The following INSL6 variants were observed in gnomAD, a reference collection of about 807,000 sequenced individuals.
INSL6 encodes the protein insulin-like peptide INSL6.
In INSL6, 16 loss-of-function variants were observed where a neutral mutation model predicts 9.4. The ratio of observed to expected loss-of-function variants is 1.70; its 90% confidence interval spans 1.15 to 2.59. The LOEUF is 2.59. INSL6 is among the 30% of genes most tolerant of loss of function. INSL6 has a pLI of 0.00. For synonymous variants in INSL6, 154 were observed against 96.9 expected (o/e 1.59, Z -3.46); for missense variants, 391 against 257.3 (o/e 1.52, Z -3.56).
At chr9:5,173,501 A>C (rs1825229399) in intron 1 of INSL6, among the ~76,000 whole-genome samples, 1 of 152,156 alleles carries the variant, frequency 6.6e-6, no homozygotes, top group South Asian at 2.1e-4. Context: ...CAGCAAACTA[A>C]GGCAGGAAGA....
At chr9:5,103,697 C>CGT in the INSL6 span, among the ~76,000 whole-genome samples, 1 of 152,064 alleles carries the variant, frequency 6.6e-6, no homozygotes, top group Admixed American at 6.5e-5. Context: ...CGTAAAAGAA[C>CGT]AGATATCACA....
chr9:5,030,735 C>T, the INSL6 span, among the ~76,000 whole-genome samples: 3 of 152,116 alleles, frequency 2.0e-5, no homozygotes, highest in South Asian at 2.1e-4. Context: ...GGTGCTCTCT[C>T]AATAAATTTT....
chr9:5,098,912 T>C, the INSL6 span: 1 of 152,124 alleles, frequency 6.6e-6, no homozygotes, highest in East Asian at 1.9e-4. Flanking sequence ...GCCAGGATGG[T>C]CTTCATCTCC....
At chr9:5,054,687 G>A in the INSL6 span, 1 of 1,613,246 alleles carries the variant, frequency 6.2e-7, no homozygotes, top group African/African-American at 1.3e-5. The surrounding 1 kb of genome is among the most constrained non-coding windows in gnomAD (Gnocchi z 4.9). Context: ...CAAAGCCACT[G>A]CCAGAAACTT....
the INSL6 span, among the ~76,000 whole-genome samples, chr9:5,061,303 T>C: frequency 6.6e-6 from 1 of 152,256 alleles, no homozygotes; most frequent in African/African-American, 2.4e-5. Flanking sequence ...TTCTCCTCTC[T>C]AGCTGTGGAA....
the INSL6 span, among the ~76,000 whole-genome samples, chr9:5,010,926 A>C: frequency 1.3e-5 from 2 of 152,164 alleles, no homozygotes; most frequent in African/African-American, 4.8e-5. Flanking sequence ...TTCTGGGTTG[A>C]CAGCTTTCCC....
the INSL6 span, chr9:5,090,596 G>A: frequency 6.5e-7 from 1 of 1,549,974 alleles, no homozygotes; most frequent in Non-Finnish European, 8.7e-7. Flanking sequence ...ATTATTTGCT[G>A]TAGATGAAGC....
At chr9:5,065,160 A>G in the INSL6 span, 1 of 551,270 alleles carries the variant, frequency 1.8e-6, no homozygotes, top group Non-Finnish European at 2.9e-6. Context: ...TTTTTTTTAA[A>G]CAAAAGGCTA....
At chr9:5,007,224 G>A in the INSL6 span, among the ~76,000 whole-genome samples, 7 of 151,744 alleles carry the variant, frequency 4.6e-5, no homozygotes, top group African/African-American at 1.2e-4. Context: ...CTTTCTTCTC[G>A]TCTTGTGTAT....
chr9:5,172,700 G>C (rs1825211342), intron 1 of INSL6, among the ~76,000 whole-genome samples: 1 of 152,162 alleles, frequency 6.6e-6, no homozygotes, highest in African/African-American at 2.4e-5. Context: ...AGGCCGAGGT[G>C]GGCAGATACC....
chr9:5,004,137 G>A, the INSL6 span, among the ~76,000 whole-genome samples: 10 of 152,004 alleles, frequency 6.6e-5, no homozygotes, highest in Admixed American at 2.0e-4. Flanking sequence ...ATCTTTTGTG[G>A]TGAGAACACT....
At chr9:5,017,038 T>C in the INSL6 span, among the ~76,000 whole-genome samples, 1 of 152,232 alleles carries the variant, frequency 6.6e-6, no homozygotes. Flanking sequence ...TTGCAGAACA[T>C]TGCTGCTAAT....
chr9:5,059,114 C>T, the INSL6 span, among the ~76,000 whole-genome samples: 2 of 152,118 alleles, frequency 1.3e-5, no homozygotes, highest in African/African-American at 2.4e-5. Flanking sequence ...ACTAATCTTA[C>T]GTGTATAGCT....
intron 1 of INSL6, among the ~76,000 whole-genome samples, chr9:5,173,689 A>C (rs530334636): frequency 6.6e-6 from 1 of 152,254 alleles, no homozygotes; most frequent in East Asian, 1.9e-4. Flanking sequence ...ATGGGTTGAC[A>C]GGCACAGCAA....
At chr9:5,146,984 GC>G (rs999710884) in intron 2 of INSL6, among the ~76,000 whole-genome samples, 4 of 152,132 alleles carry the variant, frequency 2.6e-5, no homozygotes, top group Admixed American at 6.5e-5. Context: ...GGTAGGACCA[GC>G]CCTATCTGAT....
At chr9:5,049,035 C>A in the INSL6 span, among the ~76,000 whole-genome samples, 1 of 152,120 alleles carries the variant, frequency 6.6e-6, no homozygotes, top group Non-Finnish European at 1.5e-5. Context: ...AATCGTAGAA[C>A]CTCTGTGTTT....
chr9:5,049,559 T>C, the INSL6 span, among the ~76,000 whole-genome samples: 2 of 152,226 alleles, frequency 1.3e-5, no homozygotes, highest in Non-Finnish European at 2.9e-5. Context: ...TTTCTCCAAG[T>C]TCCTGAAGGA....
At chr9:5,002,444 T>G in the INSL6 span, among the ~76,000 whole-genome samples, 3 of 151,992 alleles carry the variant, frequency 2.0e-5, no homozygotes, top group Non-Finnish European at 2.9e-5. Context: ...ATTTTCTAGA[T>G]AGTTTTTTGA....
Position 5,185,595 on chromosome 9 carries a change from C to T in INSL6, c.8G>A (p.Arg3Gln), listed in dbSNP as rs758608116. ...CCACAGCAGGGACAAGCGGAGGAGC[C>T]GCGGCATCCCTGTGACCCCAGGCTA... MPRLLRLSLLWLG... is the reference protein window; with the variant it reads MPQLLRLSLLWLG... The change falls in exon 1 of 2, where the codon CGG becomes CAG. Residue 3 changes from arginine to glutamine, a missense_variant. Physicochemically the swap from Arg to Gln is conservative, Grantham distance 43. Coordinates refer to ENST00000381641, the MANE Select transcript of INSL6 (RefSeq NM_007179.3). 2 of 1,612,048 alleles carry T rather than the reference C, an allele frequency of 1.2e-6. No homozygotes were observed. Among genetic ancestry groups the T allele is most frequent in the South Asian group, 1.1e-5 (1 of 90,826 alleles).
Sources: allele counts gnomAD v4.1 joint callset (sites outside exome capture counted in the v4.1 genomes callset), GRCh38; gene constraint gnomAD v4.1.1; non-coding constraint Gnocchi (gnomAD v3.1); transcripts MANE v1.5; gene names NCBI Gene and HGNC (gene_info 2026-07-23, HGNC 2026-07-21).